CTNNA3: variants seen among roughly 807,000 people sequenced by gnomAD.
CTNNA3 encodes catenin alpha-3.
A neutral mutation model predicts 95.7 loss-of-function variants in CTNNA3; 76 were observed. The observed-to-expected ratio is 0.79, with a 90% CI of 0.66 to 0.96. The LOEUF (loss-of-function observed/expected upper bound fraction) is 0.96, where lower values mean the gene tolerates loss of function less well. CTNNA3 is among the 40% of genes least tolerant of loss of function. The pLI, the probability that CTNNA3 is intolerant of heterozygous loss-of-function variation, is 0.00. For missense variants in CTNNA3, 1,191 were observed against 1,089.8 expected (o/e 1.09, Z -1.31); for synonymous variants, 431 against 374.4 (o/e 1.15, Z -1.74).
At chr10:67,242,382 C>A (rs1865748948) in intron 5 of CTNNA3, among the ~76,000 whole-genome samples, 1 of 152,080 alleles carries the variant, frequency 6.6e-6, no homozygotes, top group African/African-American at 2.4e-5. Flanking sequence ...TTGATTTTCC[C>A]ACAGGAAAAA....
At chr10:66,353,575 C>A (rs1316198455) in intron 12 of CTNNA3, among the ~76,000 whole-genome samples, 2 of 151,986 alleles carry the variant, frequency 1.3e-5, no homozygotes, top group Non-Finnish European at 2.9e-5. Flanking sequence ...TTCTGCCAAG[C>A]AGAAAAGAAC....
At chr10:67,376,080 A>G (rs767594609) in intron 5 of CTNNA3, among the ~76,000 whole-genome samples, 1 of 152,186 alleles carries the variant, frequency 6.6e-6, no homozygotes, top group Non-Finnish European at 1.5e-5. Flanking sequence ...TTGATCTTAA[A>G]CTTCCCAAAC....
chr10:67,634,142 C>A (rs1839232353), intron 2 of CTNNA3, among the ~76,000 whole-genome samples: 1 of 152,122 alleles, frequency 6.6e-6, no homozygotes, highest in Non-Finnish European at 1.5e-5. Flanking sequence ...TCAGTGGAAA[C>A]CCTACAAGGC....
intron 1 of CTNNA3, among the ~76,000 whole-genome samples, chr10:67,692,894 A>G (rs959753038): frequency 1.3e-5 from 2 of 152,204 alleles, no homozygotes; most frequent in African/African-American, 2.4e-5. Flanking sequence ...AGGGGCCTCC[A>G]TTGTTCAAGT....
chr10:67,561,984 G>A (rs1841529624), intron 3 of CTNNA3, among the ~76,000 whole-genome samples: 1 of 152,170 alleles, frequency 6.6e-6, no homozygotes, highest in African/African-American at 2.4e-5. Context: ...ATCTGAAATT[G>A]TGGCAATAAT....
intron 2 of CTNNA3, among the ~76,000 whole-genome samples, chr10:67,620,283 T>A (rs990149955): frequency 6.6e-6 from 1 of 152,126 alleles, no homozygotes; most frequent in Non-Finnish European, 1.5e-5. Flanking sequence ...TGACCATGCA[T>A]GGGACCCATC....
At chr10:67,220,873 T>C (rs185995558) in intron 5 of CTNNA3, among the ~76,000 whole-genome samples, 13 of 152,274 alleles carry the variant, frequency 8.5e-5, no homozygotes, top group African/African-American at 3.1e-4. Context: ...AGGAAAAGTA[T>C]GCCATTTCTG....
At chr10:66,506,903 G>A (rs1380958158) in intron 11 of CTNNA3, among the ~76,000 whole-genome samples, 1 of 151,928 alleles carries the variant, frequency 6.6e-6, no homozygotes, top group Non-Finnish European at 1.5e-5. Flanking sequence ...TAATTATATT[G>A]TATAATTAAT....
intron 5 of CTNNA3, among the ~76,000 whole-genome samples, chr10:67,439,467 G>C (rs1487503323): frequency 6.6e-6 from 1 of 152,124 alleles, no homozygotes; most frequent in Non-Finnish European, 1.5e-5. Context: ...GCAAGAGAGA[G>C]AGGGGGAAGG....
intron 5 of CTNNA3, among the ~76,000 whole-genome samples, chr10:67,442,245 C>T (rs1458311460): frequency 6.6e-6 from 1 of 151,706 alleles, no homozygotes; most frequent in African/African-American, 2.4e-5. Context: ...AAATAAAAAG[C>T]AGTAAATTAA....
At chr10:67,082,639 A>G (rs1385157198) in intron 7 of CTNNA3, among the ~76,000 whole-genome samples, 2 of 152,154 alleles carry the variant, frequency 1.3e-5, no homozygotes, top group African/African-American at 4.8e-5. Flanking sequence ...AAAAAAGGAA[A>G]CCGTGCAGGA....
At chr10:66,950,653 CA>C (rs1848492526) in intron 7 of CTNNA3, among the ~76,000 whole-genome samples, 1 of 152,032 alleles carries the variant, frequency 6.6e-6, no homozygotes, top group South Asian at 2.1e-4. Flanking sequence ...GCAAAAGAAC[CA>C]TTAGAAATAT....
chr10:67,187,647 G>A (rs1322117387), intron 6 of CTNNA3, among the ~76,000 whole-genome samples: 1 of 151,884 alleles, frequency 6.6e-6, no homozygotes, highest in Non-Finnish European at 1.5e-5. Context: ...GTGCAGTTGT[G>A]CAATGATGGC....
At chr10:67,455,783 A>G (rs970862275) in intron 5 of CTNNA3, among the ~76,000 whole-genome samples, 1 of 152,164 alleles carries the variant, frequency 6.6e-6, no homozygotes, top group Non-Finnish European at 1.5e-5. Flanking sequence ...CTTGTTTTTC[A>G]TGTCTGAAAG....
intron 9 of CTNNA3, among the ~76,000 whole-genome samples, chr10:66,697,238 T>C (rs1239498489): frequency 6.7e-6 from 1 of 149,486 alleles, no homozygotes; most frequent in Non-Finnish European, 1.5e-5. Context: ...TATGTGTGTA[T>C]ATATATCAGA....
At chr10:66,623,855 T>C (rs756043639) in intron 9 of CTNNA3, among the ~76,000 whole-genome samples, 1 of 152,160 alleles carries the variant, frequency 6.6e-6, no homozygotes, top group Non-Finnish European at 1.5e-5. Context: ...AATGATTTTA[T>C]GACATATTTT....
chr10:66,071,944 T>C (rs1461739057), intron 14 of CTNNA3, among the ~76,000 whole-genome samples: 1 of 152,184 alleles, frequency 6.6e-6, no homozygotes, highest in Non-Finnish European at 1.5e-5. Context: ...TAGATTTCAT[T>C]TACTAATTTA....
intron 11 of CTNNA3, among the ~76,000 whole-genome samples, chr10:66,486,191 G>A (rs924340757): frequency 6.6e-5 from 10 of 152,180 alleles, no homozygotes; most frequent in African/African-American, 1.9e-4. Context: ...CAGCAAAAGC[G>A]AAAATATAAA....
rs536074227 is a variant in CTNNA3, at chr10:66,425,903, G to T, written c.1532-46551C>A. ...CCTTCGTTCCCCATACAGACCCACTGCTCTTTTTCCAAGGATGACCACATG... is the reference window on the plus strand; with the variant it reads ...CCTTCGTTCCCCATACAGACCCACTTCTCTTTTTCCAAGGATGACCACATG... On this transcript the variant is annotated intron_variant, in intron 11 of 17. Coordinates refer to ENST00000433211, the MANE Select transcript of CTNNA3 (RefSeq NM_013266.4). Among the ~76,000 whole-genome samples the T allele has an allele frequency of 2.1e-4, 32 of 152,022 alleles. No individual in the cohort carries two copies. In the East Asian group the frequency reaches 5.6e-3, roughly 27 times the overall value.
Sources: allele counts gnomAD v4.1 joint callset (sites outside exome capture counted in the v4.1 genomes callset), GRCh38; gene constraint gnomAD v4.1.1; transcripts MANE v1.5; gene names NCBI Gene and HGNC (gene_info 2026-07-23, HGNC 2026-07-21).